Variants in AKAP19 observed in about 807,000 individuals in gnomAD.
AKAP19 encodes A-kinase anchoring protein 19, also known as small A-kinase anchoring protein.
At chr2:189,997,130 T>C in the AKAP19 span, among the ~76,000 whole-genome samples, 1 of 152,220 alleles carries the variant, frequency 6.6e-6, no homozygotes, top group African/African-American at 2.4e-5. Context: ...AGCCAGGGTG[T>C]TGCAGGCAGT....
the AKAP19 span, among the ~76,000 whole-genome samples, chr2:189,944,509 C>G: frequency 8.6e-5 from 13 of 152,044 alleles, no homozygotes; most frequent in African/African-American, 3.1e-4. Context: ...TTCTTTATAG[C>G]AGTGCAAGAA....
chr2:189,986,452 G>A, the AKAP19 span, among the ~76,000 whole-genome samples: 1 of 151,456 alleles, frequency 6.6e-6, no homozygotes, highest in East Asian at 1.9e-4. Context: ...GTCCCTGAAT[G>A]ACTAAGTAGA....
the AKAP19 span, among the ~76,000 whole-genome samples, chr2:189,895,035 G>T: frequency 2.0e-5 from 3 of 149,522 alleles, no homozygotes; most frequent in African/African-American, 7.4e-5. Flanking sequence ...ACTAATGAAA[G>T]AAAAAAAACA....
chr2:190,001,313 A>T, the AKAP19 span, among the ~76,000 whole-genome samples: 1 of 152,196 alleles, frequency 6.6e-6, no homozygotes, highest in Non-Finnish European at 1.5e-5. Context: ...TAAATACAGT[A>T]TCGGGAGTAC....
At chr2:190,011,340 C>A in the AKAP19 span, among the ~76,000 whole-genome samples, 1 of 152,176 alleles carries the variant, frequency 6.6e-6, no homozygotes, top group Non-Finnish European at 1.5e-5. Flanking sequence ...GGATTACTGG[C>A]CTGAGCCACC....
the AKAP19 span, among the ~76,000 whole-genome samples, chr2:189,888,841 G>T: frequency 6.6e-6 from 1 of 152,170 alleles, no homozygotes; most frequent in Non-Finnish European, 1.5e-5. Flanking sequence ...GAGATTTTGA[G>T]CTGAGATGAT....
At chr2:190,015,636 T>C in the AKAP19 span, among the ~76,000 whole-genome samples, 1 of 152,244 alleles carries the variant, frequency 6.6e-6, no homozygotes, top group East Asian at 1.9e-4. Flanking sequence ...CTTGAATTCT[T>C]TTCCGGAAAA....
chr2:189,958,418 T>A, the AKAP19 span, among the ~76,000 whole-genome samples: 1 of 151,762 alleles, frequency 6.6e-6, no homozygotes, highest in Admixed American at 6.6e-5. Context: ...ATACTGCTGA[T>A]GAGCGTATAA....
At chr2:189,941,027 T>C in the AKAP19 span, among the ~76,000 whole-genome samples, 2 of 151,966 alleles carry the variant, frequency 1.3e-5, no homozygotes, top group Non-Finnish European at 2.9e-5. Flanking sequence ...ATATAACACA[T>C]AAAGGAGGTT....
chr2:190,088,494 AAAT>A, the AKAP19 span, among the ~76,000 whole-genome samples: 1 of 152,204 alleles, frequency 6.6e-6, no homozygotes. Flanking sequence ...ATATCCAAAT[AAAT>A]ATTTCAAAAA....
At chr2:189,882,766 C>A in the AKAP19 span, among the ~76,000 whole-genome samples, 1 of 151,994 alleles carries the variant, frequency 6.6e-6, no homozygotes, top group Non-Finnish European at 1.5e-5. Flanking sequence ...TTGAGGCCCA[C>A]AAGGAATTTC....
At chr2:190,032,860 G>T in the AKAP19 span, among the ~76,000 whole-genome samples, 1 of 152,020 alleles carries the variant, frequency 6.6e-6, no homozygotes, top group African/African-American at 2.4e-5. Flanking sequence ...TTAGAAGCAT[G>T]AATATGCTCT....
the AKAP19 span, among the ~76,000 whole-genome samples, chr2:190,084,533 T>C: frequency 6.6e-6 from 1 of 152,334 alleles, no homozygotes; most frequent in African/African-American, 2.4e-5. Context: ...GGCTGTATTA[T>C]ATAACTCTTT....
the AKAP19 span, among the ~76,000 whole-genome samples, chr2:189,957,718 A>G: frequency 6.6e-6 from 1 of 152,198 alleles, no homozygotes; most frequent in East Asian, 1.9e-4. Context: ...AATAGTTTTG[A>G]ATAAGGAAAA....
At chr2:190,085,960 C>A in the AKAP19 span, among the ~76,000 whole-genome samples, 1 of 152,058 alleles carries the variant, frequency 6.6e-6, no homozygotes, top group African/African-American at 2.4e-5. Context: ...CTGAAATAGC[C>A]AAAAAACAAA....
the AKAP19 span, among the ~76,000 whole-genome samples, chr2:190,092,112 T>C: frequency 6.6e-6 from 1 of 152,200 alleles, no homozygotes; most frequent in Non-Finnish European, 1.5e-5. Context: ...ACTTAGATTC[T>C]TTCAGATTTT....
chr2:189,904,120 T>C, the AKAP19 span, among the ~76,000 whole-genome samples: 1 of 152,108 alleles, frequency 6.6e-6, no homozygotes, highest in Non-Finnish European at 1.5e-5. Context: ...TTGTATAGCT[T>C]GAAATAAGTT....
chr2:190,160,903 A>T, the AKAP19 span, among the ~76,000 whole-genome samples: 3 of 152,202 alleles, frequency 2.0e-5, no homozygotes. Flanking sequence ...GTCTAGTCAT[A>T]CTTGCTTTAA....
chr2:189,946,345 C>T, the AKAP19 span, among the ~76,000 whole-genome samples: 1 of 152,198 alleles, frequency 6.6e-6, no homozygotes, highest in Non-Finnish European at 1.5e-5. Context: ...GGAGCAGGCT[C>T]ATGCCTATAA....
Sources: allele counts gnomAD v4.1 joint callset (sites outside exome capture counted in the v4.1 genomes callset), GRCh38; gene constraint gnomAD v4.1.1; transcripts MANE v1.5; gene names NCBI Gene and HGNC (gene_info 2026-07-23, HGNC 2026-07-21).